SNTG1: variants seen among roughly 807,000 people sequenced by gnomAD.
SNTG1 encodes syntrophin gamma 1, also known as gamma-1-syntrophin.
In SNTG1, 39 loss-of-function variants were observed where a neutral mutation model predicts 74.7. The ratio of observed to expected loss-of-function variants is 0.52; its 90% CI spans 0.40 to 0.68. SNTG1 has a LOEUF of 0.68. Among genes scored for constraint, SNTG1 ranks in the 30% least tolerant of loss-of-function variants. The probability of loss-of-function intolerance (pLI) is 0.00; values close to 1 mark genes in which losing one functional copy is unlikely to be tolerated. For missense variants in SNTG1, 685 were observed against 609.5 expected (o/e 1.12, Z -1.30); for synonymous variants, 254 against 217.1 (o/e 1.17, Z -1.49).
At chr8:49,944,039 A>G (rs545822393) in intron 1 of SNTG1, among the ~76,000 whole-genome samples, 91 of 152,318 alleles carry the variant, frequency 6.0e-4, no homozygotes, top group African/African-American at 2.1e-3. Flanking sequence ...TCACTGAAGT[A>G]TTTGTTGTAT....
At chr8:50,582,611 C>T (rs552592133) in intron 12 of SNTG1, among the ~76,000 whole-genome samples, 2 of 151,856 alleles carry the variant, frequency 1.3e-5, no homozygotes, top group Non-Finnish European at 2.9e-5. Context: ...TGAGGTACTG[C>T]AATTTTTCTT....
intron 2 of SNTG1, among the ~76,000 whole-genome samples, chr8:50,176,348 A>T (rs558897729): frequency 6.6e-6 from 1 of 152,306 alleles, no homozygotes; most frequent in Admixed American, 6.5e-5. Context: ...CTTGGAAATC[A>T]TCTCTATTTC....
intron 13 of SNTG1, among the ~76,000 whole-genome samples, chr8:50,609,986 G>A (rs1432380380): frequency 6.6e-6 from 1 of 152,008 alleles, no homozygotes; most frequent in Non-Finnish European, 1.5e-5. Context: ...TCTATCAACT[G>A]CTTCTTTTTT....
At position 50,501,425 on chromosome 8, in the gene SNTG1, GTTTTTTTTTTT is replaced by G. The variant is rs59123896; in HGVS notation, c.364-1334_364-1324del. On this transcript the variant is annotated intron_variant, in intron 8 of 18. Coordinates refer to ENST00000642720, the MANE Select transcript of SNTG1 (RefSeq NM_018967.5). The stretch of plus-strand genomic sequence containing the variant: ...GGAGCAGAGAGAGATGAGCCTGTGC[GTTTTTTTTTTT>G]TTTTTTTTTTTTTTTTTTCACGGAG... Among the ~76,000 whole-genome samples, 4 of 57,096 alleles carry G rather than the reference GTTTTTTTTTTT, an allele frequency of 7.0e-5. No homozygotes were observed. The East Asian group carries it at 1.6e-3, about 23-fold the overall frequency. 37.5% of individuals were successfully genotyped at this position (57,096 alleles called of 152,430 possible).
chr8:50,074,689 G>GA (rs1390840511), intron 1 of SNTG1, among the ~76,000 whole-genome samples: 1 of 152,158 alleles, frequency 6.6e-6, no homozygotes, highest in East Asian at 1.9e-4. Flanking sequence ...CCAAAATACT[G>GA]AGAGGTGACC....
At chr8:50,176,173 G>A (rs545931242) in intron 2 of SNTG1, among the ~76,000 whole-genome samples, 1 of 152,154 alleles carries the variant, frequency 6.6e-6, no homozygotes, top group South Asian at 2.1e-4. Flanking sequence ...TGAGGCCTCT[G>A]CCCTTGACTG....
At chr8:50,754,917 AT>A (rs912279759) in intron 18 of SNTG1, among the ~76,000 whole-genome samples, 53 of 151,668 alleles carry the variant, frequency 3.5e-4, no homozygotes, top group African/African-American at 1.2e-3. Context: ...TGACAAATGG[AT>A]TTTTTTCCTT....
intron 4 of SNTG1, among the ~76,000 whole-genome samples, chr8:50,422,682 G>A (rs2093107974): frequency 6.6e-6 from 1 of 152,112 alleles, no homozygotes; most frequent in African/African-American, 2.4e-5. Context: ...AACCACAGGA[G>A]TGGGGTTGGT....
intron 17 of SNTG1, chr8:50,709,325 T>C: frequency 3.2e-6 from 1 of 314,028 alleles, no homozygotes; most frequent in Non-Finnish European, 5.7e-6. Flanking sequence ...AACATGTTTC[T>C]TTATACTTTA....
At chr8:50,378,038 G>A (rs1384318659) in intron 2 of SNTG1, among the ~76,000 whole-genome samples, 3 of 152,168 alleles carry the variant, frequency 2.0e-5, no homozygotes, top group African/African-American at 4.8e-5. Flanking sequence ...CCGCCCACTC[G>A]GCCTGGCAGG....
intron 2 of SNTG1, among the ~76,000 whole-genome samples, chr8:50,208,836 C>G (rs781685990): frequency 2.3e-4 from 35 of 152,160 alleles, no homozygotes; most frequent in Non-Finnish European, 4.9e-4. Flanking sequence ...GTGAGCGAAG[C>G]AGAAGATGGG....
chr8:50,008,691 C>G (rs1815482588), intron 1 of SNTG1, among the ~76,000 whole-genome samples: 1 of 152,138 alleles, frequency 6.6e-6, no homozygotes, highest in African/African-American at 2.4e-5. Flanking sequence ...TAATGTTATG[C>G]TGATTTAATC....
At chr8:50,487,116 T>C (rs1343313509) in intron 8 of SNTG1, among the ~76,000 whole-genome samples, 1 of 152,062 alleles carries the variant, frequency 6.6e-6, no homozygotes, top group Admixed American at 6.6e-5. Context: ...ATCAGAGAAA[T>C]GCAAATCAAA....
chr8:50,250,143 G>T (rs1316558759), intron 2 of SNTG1, among the ~76,000 whole-genome samples: 1 of 151,814 alleles, frequency 6.6e-6, no homozygotes, highest in Non-Finnish European at 1.5e-5. Context: ...AAACAGAATT[G>T]TTGGAGCTGA....
rs771195313 is a variant in SNTG1, at chr8:50,509,347, C to T, written c.466+6467C>T. Among the ~76,000 whole-genome samples, 121 of 152,218 alleles carry T rather than the reference C, an allele frequency of 7.9e-4. No individual in the cohort carries two copies. In the Middle Eastern group the frequency reaches 0.014, roughly 17 times the overall value. On this transcript the variant is annotated intron_variant, in intron 9 of 18. Coordinates refer to ENST00000642720, the MANE Select transcript of SNTG1 (RefSeq NM_018967.5). ...AGCCTTGTAGTTTGAAGTCAGGTAGCGTGATGCCTCCAGCTTTGTTCTTTT... is the reference window on the plus strand; with the variant it reads ...AGCCTTGTAGTTTGAAGTCAGGTAGTGTGATGCCTCCAGCTTTGTTCTTTT...
chr8:50,545,052 A>G (rs1156581648), intron 11 of SNTG1, among the ~76,000 whole-genome samples: 1 of 152,028 alleles, frequency 6.6e-6, no homozygotes, highest in East Asian at 1.9e-4. Context: ...TATTATGTAT[A>G]GTGCTGCCCA....
chr8:50,191,210 A>G (rs1352094694), intron 2 of SNTG1, among the ~76,000 whole-genome samples: 1 of 152,112 alleles, frequency 6.6e-6, no homozygotes, highest in Non-Finnish European at 1.5e-5. Flanking sequence ...CTGGGATAAA[A>G]TCCTCTCTGT....
chr8:50,148,374 T>C (rs968002265), intron 1 of SNTG1, among the ~76,000 whole-genome samples: 1 of 152,196 alleles, frequency 6.6e-6, no homozygotes, highest in African/African-American at 2.4e-5. Flanking sequence ...ATAAAGTACA[T>C]AAAGTGAGAA....
chr8:50,187,973 A>T (rs1032325322), intron 2 of SNTG1, among the ~76,000 whole-genome samples: 1 of 152,146 alleles, frequency 6.6e-6, no homozygotes, highest in Non-Finnish European at 1.5e-5. Context: ...TTCAGCACAT[A>T]CATATTATCC....
Sources: allele counts gnomAD v4.1 joint callset (sites outside exome capture counted in the v4.1 genomes callset), GRCh38; gene constraint gnomAD v4.1.1; transcripts MANE v1.5; gene names NCBI Gene and HGNC (gene_info 2026-07-23, HGNC 2026-07-21).